TROAP: variants seen among roughly 807,000 people sequenced by gnomAD.
The protein encoded by TROAP is tastin.
A neutral mutation model predicts 83.4 loss-of-function variants in TROAP; 62 were observed. The ratio of observed to expected loss-of-function variants is 0.74; its 90% confidence interval spans 0.61 to 0.92. The LOEUF (loss-of-function observed/expected upper bound fraction) is 0.92. TROAP is among the 40% of genes least tolerant of loss of function. The pLI, the probability that TROAP is intolerant of heterozygous loss-of-function variation, is 0.00. For missense variants in TROAP, 876 were observed against 985.1 expected (o/e 0.89, Z 1.48); for synonymous variants, 352 against 386.4 (o/e 0.91, Z 1.04).
In TROAP at chr12:49,330,346, C is replaced by T; in HGVS notation, c.1501C>T (p.Pro501Ser). ...TGGACTGTTAAAACACTCAGGGCTG[C>T]CAAAGCCCTGTCTTCCAGAGGAGTG... Reference protein sequence around the residue: ...LPGLLKHSGLPKPCLPEECGE... With the variant: ...LPGLLKHSGLSKPCLPEECGE... The change falls in exon 13 of 15, where the codon CCA becomes TCA. Residue 501 changes from proline (P) to serine (S), a missense_variant. Coordinates refer to ENST00000257909, the MANE Select transcript of TROAP (RefSeq NM_005480.4). 1 of 1,614,150 alleles carries T rather than the reference C, an allele frequency of 6.2e-7. No individual in the cohort carries two copies. Among genetic ancestry groups the T allele is most frequent in the South Asian group, 1.1e-5 (1 of 91,088 alleles).
chr12:49,325,380 AAAAT>A, intron 3 of TROAP, 117 bp from the exon 4 acceptor site: 3 of 1,117,586 alleles, frequency 2.7e-6, no homozygotes, highest in Non-Finnish European at 3.7e-6. Context: ...AAAAAAAAAA[AAAAT>A]AAGCCAAATT....
chr12:49,324,097 A>G, intron 3 of TROAP, 60 bp downstream of exon 3: 1 of 1,613,320 alleles, frequency 6.2e-7, no homozygotes, highest in South Asian at 1.1e-5. Context: ...TAGGAAGGGT[A>G]AAAGTGGGGT....
In TROAP at chr12:49,331,217, T is replaced by TCGAAC; in HGVS notation, c.2103_2104insGAACC (p.Ser702GlufsTer10). 1 of 1,614,148 alleles carries TCGAAC rather than the reference T, an allele frequency of 6.2e-7. No individual in the cohort carries two copies. Among genetic ancestry groups the TCGAAC allele is most frequent in the Non-Finnish European group, 8.5e-7 (1 of 1,180,010 alleles). On this transcript the variant is annotated frameshift_variant, in exon 14 of 15. Transcript: ENST00000257909. LOFTEE classifies it high-confidence loss of function. ...CTAAATTTTCCATGCCCCTCAGGCC[T>TCGAAC]CAGCAATCTGGCCCCTCGAACCCTA...
In TROAP at chr12:49,330,734, C is replaced by G. The variant is rs1191360420; in HGVS notation, c.1889C>G (p.Ser630Cys). 1 of 1,614,060 alleles carries G rather than the reference C, an allele frequency of 6.2e-7. No individual in the cohort carries two copies. Among genetic ancestry groups the G allele is most frequent in the Non-Finnish European group, 8.5e-7 (1 of 1,179,976 alleles). ...CTTCAGCCCAGCACCCAGGGGCAGTCTGGACCCCCAGGGCCCTGCCCTAGG... is the reference window on the plus strand; with the variant it reads ...CTTCAGCCCAGCACCCAGGGGCAGTGTGGACCCCCAGGGCCCTGCCCTAGG... ...GPLQPSTQGQ[S>C]GPPGPCPRVE... The change falls in exon 13 of 15, where the codon TCT (serine) becomes TGT (cysteine). Residue 630 changes from serine (S) to cysteine (C), a missense_variant. This residue lies in a region of TROAP where 184 missense variants were observed against 238.3 expected (regional missense o/e 0.77). Coordinates refer to ENST00000257909, the MANE Select transcript of TROAP (RefSeq NM_005480.4).
chr12:49,329,978 AGGT>A lies in TROAP; in HGVS notation c.1288_1290del (p.Val430del). On this transcript the variant is annotated inframe_deletion, in exon 12 of 15. Transcript: ENST00000257909. The surrounding 1 kb of genome is among the most constrained non-coding windows in gnomAD (Gnocchi z 4.5). ...TCTAACAGAACCCCCAGCCTCCAGGAGGTGAAGATTCAAGTGAGTCTGTGTGGC... is the reference window on the plus strand; with the variant it reads ...TCTAACAGAACCCCCAGCCTCCAGGAGAAGATTCAAGTGAGTCTGTGTGGC... 1 of 1,614,050 alleles carries A rather than the reference AGGT, an allele frequency of 6.2e-7. No individual in the cohort carries two copies. The highest frequency in any genetic ancestry group is 2.2e-5 in the East Asian group (1 of 44,880).
intron 3 of TROAP, chr12:49,324,346 A>T (rs1007966089): frequency 4.5e-5 from 26 of 583,160 alleles, no homozygotes; most frequent in Non-Finnish European, 5.9e-5. Context: ...ATCTCTTTAA[A>T]AAATAAATAA....
At position 49,329,116 on chromosome 12, in the gene TROAP, A is replaced by G; in HGVS notation, c.1021-45A>G. On this transcript the variant is annotated intron_variant, in intron 9 of 14. Transcript: ENST00000257909. This position sits in a 1 kb window ranked among gnomAD's most constrained non-coding sequence, Gnocchi z 4.5. ...AACAGTCTGGCCGGAGATCCTTGCT[A>G]TGTCTGGGTTTTGTCCCTGCTCAGC... is the stretch of plus-strand genomic sequence containing the variant. 3 of 1,613,932 alleles carry G rather than the reference A, an allele frequency of 1.9e-6. No individual in the cohort carries two copies. Among genetic ancestry groups the G allele is most frequent in the Non-Finnish European group, 2.5e-6 (3 of 1,179,978 alleles).
At chr12:49,325,167 C>T (rs931509431) in intron 3 of TROAP, among the ~76,000 whole-genome samples, 3 of 151,938 alleles carry the variant, frequency 2.0e-5, no homozygotes, top group African/African-American at 7.2e-5. Flanking sequence ...GATCCACCTG[C>T]CTCAGCCTCC....
intron 3 of TROAP, chr12:49,324,287 A>G (rs1221414033): frequency 7.1e-7 from 1 of 1,412,946 alleles, no homozygotes; most frequent in East Asian, 2.3e-5. Context: ...CAGGAGGATC[A>G]CTGGAGGCCA....
intron 3 of TROAP, 38 bp downstream of exon 3, chr12:49,324,075 T>G: frequency 6.2e-7 from 1 of 1,612,292 alleles, no homozygotes; most frequent in Non-Finnish European, 8.5e-7. Flanking sequence ...CCTCCATGGC[T>G]GAGTAGGGGA....
At position 49,326,652 on chromosome 12, in the gene TROAP, T is replaced by C; in HGVS notation, c.717-16T>C. On this transcript the variant is annotated splice_polypyrimidine_tract_variant and intron_variant, in intron 6 of 14. Coordinates refer to ENST00000257909, the MANE Select transcript of TROAP (RefSeq NM_005480.4). ...GGTATTCAGTGACTGCTGGCTAATG[T>C]CCTTATTGTCATCAGGACTTCAGTG... The C allele has an allele frequency of 6.4e-7, 1 of 1,553,784 alleles. No individual in the cohort carries two copies. Among genetic ancestry groups the C allele is most frequent in the Non-Finnish European group, 8.7e-7 (1 of 1,147,738 alleles).
At position 49,329,455 on chromosome 12, in the gene TROAP, G is replaced by A. The variant is rs1407637403; in HGVS notation, c.1164+1G>A. On this transcript the variant is annotated splice_donor_variant, in intron 11 of 14. Transcript: ENST00000257909. LOFTEE classifies it high-confidence loss of function. This position sits in a 1 kb window ranked among gnomAD's most constrained non-coding sequence, Gnocchi z 4.5. ...CTCTGAAGATCCTGCCCTGCCCTGG[G>A]TAAGTATCAGAAGCTTCCCCCTACT... 3 of 1,608,016 alleles carry A rather than the reference G, an allele frequency of 1.9e-6. No homozygotes were observed. The highest frequency in any genetic ancestry group is 1.1e-5 in the South Asian group (1 of 90,122).
At position 49,326,708 on chromosome 12, in the gene TROAP, C is replaced by G; in HGVS notation, c.757C>G (p.Pro253Ala). 1 of 1,562,138 alleles carries G rather than the reference C, an allele frequency of 6.4e-7. No homozygotes were observed. Among genetic ancestry groups the G allele is most frequent in the Non-Finnish European group, 8.7e-7 (1 of 1,151,684 alleles). The change falls in exon 7 of 15, where the codon CCA (proline) becomes GCA (alanine). Residue 253 changes from proline to alanine, a missense_variant. Pro to Ala is a conservative substitution (Grantham distance 27, BLOSUM62 -1). Transcript: ENST00000257909. ...SQASGLLLET[P>A]VQPAFSLPKG... The stretch of plus-strand genomic sequence containing the variant: ...GGCCTCAGGATTGCTCCTGGAGACC[C>G]CAGTCCAGCCTGGTAAGTGTTTCTG...
In TROAP at chr12:49,326,690, G is replaced by A; in HGVS notation, c.739G>A (p.Gly247Arg). Residue 247 changes from glycine (G) to arginine (R), a missense_variant, in exon 7 of 15, where the codon GGA becomes AGA. Gly to Arg is a moderately radical substitution (Grantham distance 125). Around this residue, in one of 3 missense-constraint regions of TROAP, gnomAD observed 689 missense variants for 722.6 expected, o/e 0.95. Coordinates refer to ENST00000257909, the MANE Select transcript of TROAP (RefSeq NM_005480.4). ...SSRTSVSQAS[G>R]LLLETPVQPA... ...CAGGACTTCAGTGAGCCAGGCCTCAGGATTGCTCCTGGAGACCCCAGTCCA... is the reference window on the plus strand; with the variant it reads ...CAGGACTTCAGTGAGCCAGGCCTCAAGATTGCTCCTGGAGACCCCAGTCCA... 1 of 1,560,612 alleles carries A rather than the reference G, an allele frequency of 6.4e-7. No homozygotes were observed. The highest frequency in any genetic ancestry group is 8.7e-7 in the Non-Finnish European group (1 of 1,150,960).
rs1057479317 is a variant in TROAP, at chr12:49,325,857, A to C, written c.606A>C (p.Thr202=). 6.2e-7 allele frequency: 1 copy of C among 1,613,780 alleles called. No individual in the cohort carries two copies. The highest frequency in any genetic ancestry group is 8.5e-7 in the Non-Finnish European group (1 of 1,179,984). ...AGGGACCAGGACCTCGAGGCCGGAC[A>C]TTGTGCCCCCAGAGGCTACAGGCTC... ...RLEGPGPRGR[T]LCPQRLQALI... is the part of the protein sequence containing the mutation. Residue 202 remains threonine (T), a synonymous_variant, in exon 5 of 15, where the codon ACA becomes ACC. Coordinates refer to ENST00000257909, the MANE Select transcript of TROAP (RefSeq NM_005480.4).
rs770627951 is a variant in TROAP at position 49,331,129 on chromosome 12, G to A, written c.2099-85G>A. 3.8e-6 allele frequency: 6 copies of A among 1,585,590 alleles called. No homozygotes were observed. The South Asian group carries it at 5.6e-5, about 15-fold the overall frequency. ...CAGCCCTGTGCTCCTAATTGGCTTGGCCGTTGGTGGGGGAGGAGGAGAGGA... is the reference window on the plus strand; with the variant it reads ...CAGCCCTGTGCTCCTAATTGGCTTGACCGTTGGTGGGGGAGGAGGAGAGGA... On this transcript the variant is annotated intron_variant, in intron 13 of 14. Transcript: ENST00000257909.
At position 49,329,156 on chromosome 12, in the gene TROAP, C is replaced by T. The variant is rs747017515; in HGVS notation, c.1021-5C>T. On this transcript the variant is annotated splice_region_variant and splice_polypyrimidine_tract_variant and intron_variant, in intron 9 of 14. Coordinates refer to ENST00000257909, the MANE Select transcript of TROAP (RefSeq NM_005480.4). This position sits in a 1 kb window ranked among gnomAD's most constrained non-coding sequence, Gnocchi z 4.5. Reference sequence around the variant, plus strand: ...CCCTGCTCAGCCACCCACATCTCTCCCCAGACCTCATATTCAGTGTTGCGG... The same window carrying T: ...CCCTGCTCAGCCACCCACATCTCTCTCCAGACCTCATATTCAGTGTTGCGG... The T allele has an allele frequency of 3.1e-6, 5 of 1,613,684 alleles. No homozygotes were observed. In the African/African-American group the frequency reaches 6.7e-5, roughly 22 times the overall value.
At chr12:49,330,103 G>T (rs776439816) in intron 12 of TROAP, 42 bp from the exon 13 acceptor site, 1 of 1,606,934 alleles carries the variant, frequency 6.2e-7, no homozygotes, top group East Asian at 2.2e-5. Flanking sequence ...ACTACTGAAC[G>T]CACATCTTGA....
Position 49,323,637 on chromosome 12 carries a change from C to G in TROAP, c.29C>G (p.Pro10Arg), listed in dbSNP as rs562931167. MTTRQATKD[P>R]LLRGVSPTPS... ...ACCACCCGGCAAGCCACGAAGGATC[C>G]CCTCCTCCGGGGTGTATCTCCTACC... is the stretch of plus-strand genomic sequence containing the variant. The change falls in exon 2 of 15, where the codon CCC becomes CGC. Residue 10 changes from proline to arginine, a missense_variant. This residue lies in a region of TROAP where 689 missense variants were observed against 722.6 expected (regional missense o/e 0.95). Transcript: ENST00000257909. The G allele has an allele frequency of 9.9e-6, 16 of 1,613,908 alleles. No homozygotes were observed. The African/African-American group carries it at 1.9e-4, about 19-fold the overall frequency.
Sources: gnomAD v4.1 joint callset for allele counts (sites outside exome capture counted in the v4.1 genomes callset) on GRCh38, gnomAD v4.1.1 for gene constraint, gnomAD v4.1.1 regional missense constraint, Gnocchi (gnomAD v3.1) non-coding constraint, MANE v1.5 for transcripts, NCBI Gene and HGNC (gene_info 2026-07-23, HGNC 2026-07-21) for gene names.